CWF19L1: variants seen among roughly 807,000 people sequenced by gnomAD.
CWF19L1 encodes CWF19-like protein 1.
A neutral mutation model predicts 69.7 loss-of-function variants in CWF19L1; 60 were observed. The observed-to-expected ratio is 0.86, with a 90% CI of 0.70 to 1.07. The LOEUF is 1.07. Among genes scored for constraint, CWF19L1 ranks in the 50% least tolerant of loss-of-function variants. CWF19L1 has a pLI of 0.00. For missense variants in CWF19L1, 591 were observed against 638.9 expected, an observed-to-expected ratio of 0.92 and a Z score of 0.81; for synonymous variants, 209 against 222.2, an observed-to-expected ratio of 0.94 and a Z score of 0.53.
At chr10:100,248,735 C>T in intron 7 of CWF19L1, 5 of 1,206,720 alleles carry the variant, frequency 4.1e-6, no homozygotes, top group Non-Finnish European at 6.1e-6. Flanking sequence ...CAAGCAGCCA[C>T]CTTTGGGCTC....
intron 1 of CWF19L1, among the ~76,000 whole-genome samples, chr10:100,265,482 C>CTT (rs564603256): frequency 0.087 from 12,325 of 142,068 alleles, 1,046 homozygotes; most frequent in African/African-American, 0.21. Flanking sequence ...AGGTTGTGCC[C>CTT]TTTTTTTTTT....
At chr10:100,253,368 G>T in intron 6 of CWF19L1, 53 bp downstream of exon 6, 2 of 1,076,746 alleles carry the variant, frequency 1.9e-6, no homozygotes, top group Non-Finnish European at 2.9e-6. Flanking sequence ...AGTTTATACA[G>T]AAGATCCATG....
rs112634299 is a variant in CWF19L1, at chr10:100,262,456, C to T, written c.24-393G>A. On this transcript the variant is annotated intron_variant, in intron 1 of 13. Transcript: ENST00000354105. ...TATTTTGACTCCTCCTATCTTAGTA[C>T]GACTCCTCCTATCTTAGTACAGGGC... 1.5e-5 allele frequency: 15 copies of T among 985,130 alleles called. No homozygotes were observed. In the East Asian group the frequency reaches 6.8e-4, roughly 45 times the overall value. The allele number at this position is 985,130 out of a possible 1,614,324, so 61.0% of individuals were successfully genotyped here.
chr10:100,267,021 G>C (rs537420831), intron 1 of CWF19L1, among the ~76,000 whole-genome samples: 86 of 151,550 alleles, frequency 5.7e-4, no homozygotes, highest in African/African-American at 2.0e-3. Context: ...TAGACTCTAC[G>C]CTCCATTAAA....
intron 7 of CWF19L1, chr10:100,248,679 C>T (rs1198643577): frequency 1.1e-6 from 1 of 940,720 alleles, no homozygotes; most frequent in East Asian, 2.4e-5. Flanking sequence ...AACTAATCAC[C>T]TAAAGAGAGC....
chr10:100,267,496 A>G (rs1847640803), intron 1 of CWF19L1, 75 bp downstream of exon 1: 1 of 1,612,926 alleles, frequency 6.2e-7, no homozygotes, highest in Non-Finnish European at 8.5e-7. Context: ...GTCATGGGAA[A>G]GACTCCCGCC....
chr10:100,241,800 C>T (rs980618406), intron 10 of CWF19L1, among the ~76,000 whole-genome samples: 2 of 152,200 alleles, frequency 1.3e-5, no homozygotes, highest in Admixed American at 6.5e-5. Context: ...TAACCCACTA[C>T]TGTGATAACA....
At chr10:100,240,370 T>A (rs1846599971) in intron 10 of CWF19L1, among the ~76,000 whole-genome samples, 1 of 151,838 alleles carries the variant, frequency 6.6e-6, no homozygotes, top group African/African-American at 2.4e-5. Context: ...AAAAAGGCAA[T>A]CAAAAAGAAT....
chr10:100,248,275 G>GT lies in CWF19L1; in HGVS notation c.709-1341dup, dbSNP rs1431829116. 9 of 1,332,758 alleles carry GT rather than the reference G, an allele frequency of 6.8e-6. No individual in the cohort carries two copies. In the East Asian group the frequency reaches 6.9e-5, roughly 10 times the overall value. The allele number at this position is 1,332,758 out of a possible 1,614,324, so 82.6% of individuals were successfully genotyped here. A position where few individuals can be genotyped will look rare whatever the true frequency, so the allele number is the denominator to read the frequency against. ...CAGAAGAAAACATGGCTGCCAAAGT[G>GT]TTTTGAGTCCGTTGGCAAGTTTGGC... is the stretch of plus-strand genomic sequence containing the variant. On this transcript the variant is annotated intron_variant, in intron 7 of 13. Transcript: ENST00000354105.
intron 5 of CWF19L1, among the ~76,000 whole-genome samples, chr10:100,255,820 C>T (rs1847192873): frequency 6.6e-6 from 1 of 150,674 alleles, no homozygotes; most frequent in African/African-American, 2.4e-5. Context: ...ATCTTAGCTA[C>T]TCAGGAGGCT....
At chr10:100,235,815 A>ATAATCTGAG in intron 12 of CWF19L1, 51 bp from the exon 13 acceptor site, 1 of 1,278,352 alleles carries the variant, frequency 7.8e-7, no homozygotes, top group Non-Finnish European at 1.1e-6. Flanking sequence ...TTAAAAATCT[A>ATAATCTGAG]TAATCTGAGT....
chr10:100,262,015 T>C lies in CWF19L1; in HGVS notation c.72A>G (p.Arg24=). 1.9e-6 allele frequency: 3 copies of C among 1,609,776 alleles called. No homozygotes were observed. The highest frequency in any genetic ancestry group is 2.5e-6 in the Non-Finnish European group (3 of 1,179,054). ...CACTTTTCTTCTGAATTGCTTGAAC[T>C]CTATTGAATAAAATATCAAACTTTC... The part of the protein sequence containing the change: ...VEGKFDILFN[R]VQAIQKKSGN... Residue 24 remains arginine, a synonymous_variant, in exon 2 of 14, where the codon AGA becomes AGG. Coordinates refer to ENST00000354105, the MANE Select transcript of CWF19L1 (RefSeq NM_018294.6).
rs67759652 is a variant in CWF19L1 at position 100,266,189 on chromosome 10, A to ATTT, written c.23+1379_23+1381dup. Among the ~76,000 whole-genome samples, 3 of 134,124 alleles carry ATTT rather than the reference A, an allele frequency of 2.2e-5. 1 individual carries two copies. The highest frequency in any genetic ancestry group is 4.7e-4 in the South Asian group (2 of 4,236). 88.0% of individuals were successfully genotyped at this position (134,124 alleles called of 152,430 possible). A position where few individuals can be genotyped will look rare whatever the true frequency, so the allele number is the denominator to read the frequency against. On this transcript the variant is annotated intron_variant, in intron 1 of 13. Coordinates refer to ENST00000354105, the MANE Select transcript of CWF19L1 (RefSeq NM_018294.6). ...CTTCCCAAAAGTTACCACTATTGCA[A>ATTT]TTTTTTTTTTTTTTTTTTTGAGACA...
At chr10:100,249,208 G>A in intron 7 of CWF19L1, 1 of 273,290 alleles carries the variant, frequency 3.7e-6, no homozygotes, top group South Asian at 5.6e-5. Context: ...GGAAATAAAG[G>A]CAAAATCACT....
intron 6 of CWF19L1, among the ~76,000 whole-genome samples, chr10:100,251,090 A>G (rs1420578065): frequency 6.6e-6 from 1 of 152,090 alleles, no homozygotes; most frequent in Non-Finnish European, 1.5e-5. Flanking sequence ...ATTTCATCAT[A>G]TATTTACCAC....
chr10:100,264,451 G>A (rs1000347814), intron 1 of CWF19L1, among the ~76,000 whole-genome samples: 159 of 151,896 alleles, frequency 1.0e-3, no homozygotes, highest in Admixed American at 5.9e-3. Context: ...AGGCTGAGGC[G>A]GGAGAATAGC....
At position 100,233,312 on chromosome 10, in the gene CWF19L1, C is replaced by T. The variant is rs1033727818; in HGVS notation, c.1532G>A (p.Cys511Tyr). Residue 511 changes from cysteine (C) to tyrosine (Y), a missense_variant, in exon 14 of 14, where the codon TGT (cysteine) becomes TAT (tyrosine). Physicochemically the swap from Cys to Tyr is radical, Grantham distance 194. Coordinates refer to ENST00000354105, the MANE Select transcript of CWF19L1 (RefSeq NM_018294.6). Reference sequence around the variant, plus strand: ...CTCCTCGTCTTCCTTGCTGATCTGACACTGCCTCCAGTCAGACTTATCAGG... The same window carrying T: ...CTCCTCGTCTTCCTTGCTGATCTGATACTGCCTCCAGTCAGACTTATCAGG... ...NVPDKSDWRQ[C>Y]QISKEDEETL... The T allele has an allele frequency of 6.2e-7, 1 of 1,614,078 alleles. No homozygotes were observed. Among genetic ancestry groups the T allele is most frequent in the Non-Finnish European group, 8.5e-7 (1 of 1,179,992 alleles).
At position 100,256,254 on chromosome 10, in the gene CWF19L1, C is replaced by A. The variant is rs761920413; in HGVS notation, c.504+8G>T. ...TTTAGAAATTCCAACTAAACAAACA[C>A]TACTCACAGAAGAATTCCCAAAGTT... On this transcript the variant is annotated splice_region_variant and intron_variant, in intron 5 of 13. Coordinates refer to ENST00000354105, the MANE Select transcript of CWF19L1 (RefSeq NM_018294.6). 5 of 1,609,984 alleles carry A rather than the reference C, an allele frequency of 3.1e-6. No individual in the cohort carries two copies. The Admixed American group carries it at 8.3e-5, about 27-fold the overall frequency.
chr10:100,237,562 G>A (rs1846486227), intron 11 of CWF19L1, among the ~76,000 whole-genome samples: 1 of 151,970 alleles, frequency 6.6e-6, no homozygotes, highest in African/African-American at 2.4e-5. Flanking sequence ...GTTACCACCA[G>A]ATACTCTTTA....
Sources: gnomAD v4.1 joint callset for allele counts (sites outside exome capture counted in the v4.1 genomes callset) on GRCh38, gnomAD v4.1.1 for gene constraint, MANE v1.5 for transcripts, NCBI Gene and HGNC (gene_info 2026-07-23, HGNC 2026-07-21) for gene names.